The following IPO11 variants were observed in gnomAD, a reference collection of about 807,000 sequenced individuals.
IPO11 encodes the protein importin-11.
IPO11 carries 66 observed loss-of-function variants against 143.2 expected under a neutral mutation model. The ratio of observed to expected loss-of-function variants is 0.46; its 90% CI spans 0.38 to 0.57. IPO11 has a LOEUF of 0.57. IPO11 is among the 20% of genes least tolerant of loss of function. The probability of loss-of-function intolerance (pLI) is 0.00; values close to 1 mark genes in which losing one functional copy is unlikely to be tolerated. For synonymous variants in IPO11, 385 were observed against 377.8 expected (o/e 1.02, Z -0.22); for missense variants, 1,026 against 1,141.0 (o/e 0.90, Z 1.45).
At chr5:62,423,965 C>A (rs1435126526) in intron 1 of IPO11, among the ~76,000 whole-genome samples, 2 of 152,036 alleles carry the variant, frequency 1.3e-5, no homozygotes, top group African/African-American at 4.8e-5. Context: ...ATCCATGATT[C>A]CCCAGTGATA....
At chr5:62,459,083 A>G (rs1745267797) in intron 5 of IPO11, among the ~76,000 whole-genome samples, 1 of 151,976 alleles carries the variant, frequency 6.6e-6, no homozygotes, top group African/African-American at 2.4e-5. Flanking sequence ...CAGGGAGTAG[A>G]GTAGTTTTAC....
At chr5:62,551,613 C>T (rs1394406513) in intron 26 of IPO11, among the ~76,000 whole-genome samples, 1 of 152,108 alleles carries the variant, frequency 6.6e-6, no homozygotes, top group Non-Finnish European at 1.5e-5. Flanking sequence ...TGTTTTTCTT[C>T]ACTGATACAG....
chr5:62,626,779 G>A (rs966425784), intron 29 of IPO11, among the ~76,000 whole-genome samples: 2 of 151,820 alleles, frequency 1.3e-5, no homozygotes, highest in Non-Finnish European at 2.9e-5. Flanking sequence ...GGTTGCCACA[G>A]TGGCCTACCC....
At chr5:62,515,292 C>T (rs1235415539) in intron 19 of IPO11, 96 bp from the exon 20 acceptor site, 2 of 655,774 alleles carry the variant, frequency 3.0e-6, no homozygotes, top group Non-Finnish European at 5.2e-6. Flanking sequence ...TAAATATGTG[C>T]TGTCTGGGAC....
At chr5:62,560,234 T>C (rs1049701590) in intron 26 of IPO11, among the ~76,000 whole-genome samples, 3 of 152,182 alleles carry the variant, frequency 2.0e-5, no homozygotes, top group Admixed American at 1.3e-4. Flanking sequence ...AGCCATCATA[T>C]TGGATTAGCA....
At chr5:62,498,169 T>G (rs1294265965) in intron 16 of IPO11, among the ~76,000 whole-genome samples, 2 of 152,174 alleles carry the variant, frequency 1.3e-5, no homozygotes, top group East Asian at 3.9e-4. Flanking sequence ...TAGCCATTTT[T>G]TTTTTGCATG....
rs200120578 is a variant in IPO11 at position 62,449,909 on chromosome 5, A to G, written c.240-18A>G. The stretch of plus-strand genomic sequence containing the variant: ...GGTGGCATTCTTTTGCATAATCAAT[A>G]CTTTTTTTTTTTTACAGTGCTCTCT... On this transcript the variant is annotated intron_variant, in intron 3 of 29. Coordinates refer to ENST00000325324, the MANE Select transcript of IPO11 (RefSeq NM_016338.5). 1.3e-4 allele frequency: 181 copies of G among 1,401,432 alleles called. 2 individuals are homozygous for G. In the East Asian group the frequency reaches 4.3e-3, roughly 33 times the overall value. 86.8% of individuals were successfully genotyped at this position (1,401,432 alleles called of 1,614,324 possible). A position where few individuals can be genotyped will look rare whatever the true frequency, so the allele number is the denominator to read the frequency against.
chr5:62,607,602 T>G (rs1203500065), intron 29 of IPO11, among the ~76,000 whole-genome samples: 1 of 152,234 alleles, frequency 6.6e-6, no homozygotes, highest in Non-Finnish European at 1.5e-5. Context: ...TTCATCATCA[T>G]ATTGGTGGCT....
intron 1 of IPO11, among the ~76,000 whole-genome samples, chr5:62,424,045 G>T (rs2112101661): frequency 6.6e-6 from 1 of 151,884 alleles, no homozygotes; most frequent in South Asian, 2.1e-4. Context: ...CTGAGACATG[G>T]TCTCACTCTG....
chr5:62,429,587 CGTGTGTGTGTGT>C (rs56185914), intron 1 of IPO11, among the ~76,000 whole-genome samples: 5,611 of 128,552 alleles, frequency 0.044, 353 homozygotes, highest in African/African-American at 0.15. Flanking sequence ...GTCTGATTTT[CGTGTGTGTGTGT>C]GTGTGTGTGT....
chr5:62,548,698 A>G (rs897381977), intron 24 of IPO11, among the ~76,000 whole-genome samples: 6 of 152,038 alleles, frequency 3.9e-5, no homozygotes, highest in African/African-American at 1.4e-4. Flanking sequence ...AGATTCTGCT[A>G]CTTTCTGTGT....
At chr5:62,463,603 T>G (rs904550780) in intron 5 of IPO11, among the ~76,000 whole-genome samples, 2 of 151,346 alleles carry the variant, frequency 1.3e-5, no homozygotes, top group African/African-American at 4.9e-5. Flanking sequence ...CCCAGGAGAT[T>G]GAGGCTGCAG....
rs1251504517 is a variant in IPO11, at chr5:62,437,331, A to G, written c.52A>G (p.Thr18Ala). 1.2e-6 allele frequency: 2 copies of G among 1,612,556 alleles called. No homozygotes were observed. The highest frequency in any genetic ancestry group is 1.3e-5 in the African/African-American group (1 of 75,004). Residue 18 changes from threonine to alanine, a missense_variant, in exon 2 of 30, where the codon ACC becomes GCC. Transcript: ENST00000325324. ...TVVLQVLTQA[T>A]SQDTAVLKPA... ...TGTTCTTCAGGTGTTAACACAGGCC[A>G]CCAGTCAGGATACTGCTGTGTTAAA...
chr5:62,588,242 T>C (rs1420563126), intron 27 of IPO11, among the ~76,000 whole-genome samples: 5 of 151,700 alleles, frequency 3.3e-5, no homozygotes. Flanking sequence ...TTTTTTTTTT[T>C]AATGTACAGT....
chr5:62,578,605 A>G, intron 27 of IPO11: 1 of 440,332 alleles, frequency 2.3e-6, no homozygotes, highest in South Asian at 1.7e-5. Flanking sequence ...CAATGTGTAT[A>G]TTAGGAAAAC....
chr5:62,435,178 A>ATGTATATATATGTATATATG (rs1744163615), intron 1 of IPO11, among the ~76,000 whole-genome samples: 3 of 75,974 alleles, frequency 3.9e-5, no homozygotes, highest in African/African-American at 1.5e-4. Context: ...ATATGTATAT[A>ATGTATATATATGTATATATG]TGTATATATA....
chr5:62,475,628 A>G (rs1745930124), intron 8 of IPO11, among the ~76,000 whole-genome samples: 1 of 152,248 alleles, frequency 6.6e-6, no homozygotes, highest in Non-Finnish European at 1.5e-5. Flanking sequence ...TATAGACTAT[A>G]TGCCAAATCC....
At chr5:62,544,111 ACAT>A (rs1191384148) in intron 24 of IPO11, among the ~76,000 whole-genome samples, 19 of 152,092 alleles carry the variant, frequency 1.2e-4, no homozygotes, top group Non-Finnish European at 2.4e-4. Flanking sequence ...TATGAGGCCA[ACAT>A]CATCCTGATA....
chr5:62,517,478 C>T (rs1210083074), intron 20 of IPO11, among the ~76,000 whole-genome samples: 1 of 152,198 alleles, frequency 6.6e-6, no homozygotes, highest in African/African-American at 2.4e-5. Flanking sequence ...TCTTGGCTCA[C>T]TGCAACCTCC....
Sources: gnomAD v4.1 joint callset for allele counts (sites outside exome capture counted in the v4.1 genomes callset) on GRCh38, gnomAD v4.1.1 for gene constraint, MANE v1.5 for transcripts, NCBI Gene and HGNC (gene_info 2026-07-23, HGNC 2026-07-21) for gene names.